CEP162: variants seen among roughly 807,000 people sequenced by gnomAD.
The protein encoded by CEP162 is centrosomal protein of 162 kDa.
CEP162 carries 141 observed loss-of-function variants against 169.2 expected under a neutral mutation model. The observed-to-expected ratio is 0.83, with a 90% CI of 0.73 to 0.96. The LOEUF (loss-of-function observed/expected upper bound fraction) is 0.96, where lower values mean the gene tolerates loss of function less well. Among genes scored for constraint, CEP162 ranks in the 40% least tolerant of loss-of-function variants. The probability of loss-of-function intolerance (pLI) is 0.00; values close to 1 mark genes in which losing one functional copy is unlikely to be tolerated. For synonymous variants in CEP162, 540 were observed against 526.4 expected (o/e 1.03, Z -0.35); for missense variants, 1,600 against 1,587.2 (o/e 1.01, Z -0.14).
intron 9 of CEP162, among the ~76,000 whole-genome samples, chr6:84,197,723 A>T (rs1268482047): frequency 6.6e-6 from 1 of 151,904 alleles, no homozygotes; most frequent in Non-Finnish European, 1.5e-5. Flanking sequence ...AGGCTGAGAC[A>T]GGAGAATCAC....
intron 18 of CEP162, among the ~76,000 whole-genome samples, chr6:84,168,250 G>A (rs1210514926): frequency 6.6e-6 from 1 of 151,934 alleles, no homozygotes; most frequent in Non-Finnish European, 1.5e-5. Flanking sequence ...TATTTTTGAG[G>A]CCCACTGAAA....
intron 11 of CEP162, among the ~76,000 whole-genome samples, chr6:84,186,885 A>G (rs899799997): frequency 6.6e-6 from 1 of 152,176 alleles, no homozygotes; most frequent in Non-Finnish European, 1.5e-5. Context: ...TATTTTAGAG[A>G]AAGACCAAAC....
intron 9 of CEP162, among the ~76,000 whole-genome samples, chr6:84,198,177 C>T (rs887757409): frequency 6.6e-6 from 1 of 152,138 alleles, no homozygotes. Flanking sequence ...CATGAAGTGG[C>T]ATGGTAAAAC....
At chr6:84,207,769 A>T (rs1369992668) in intron 6 of CEP162, among the ~76,000 whole-genome samples, 3 of 152,096 alleles carry the variant, frequency 2.0e-5, no homozygotes, top group Admixed American at 2.0e-4. Flanking sequence ...AATTTATAAG[A>T]CTATCTTTGG....
chr6:84,169,093 C>A (rs2099528952), intron 18 of CEP162, among the ~76,000 whole-genome samples: 1 of 152,022 alleles, frequency 6.6e-6, no homozygotes, highest in Admixed American at 6.6e-5. Flanking sequence ...TGATGAGAGG[C>A]TGAATCATAA....
At chr6:84,223,108 A>G (rs2099554357) in intron 2 of CEP162, among the ~76,000 whole-genome samples, 1 of 152,224 alleles carries the variant, frequency 6.6e-6, no homozygotes, top group Admixed American at 6.5e-5. Flanking sequence ...AGAAATGAAG[A>G]CTTCTAATAC....
chr6:84,142,640 G>T (rs575932266), intron 25 of CEP162, among the ~76,000 whole-genome samples: 1 of 152,194 alleles, frequency 6.6e-6, no homozygotes, highest in African/African-American at 2.4e-5. Context: ...ATAAAAATAG[G>T]CATGACTTCA....
intron 26 of CEP162, among the ~76,000 whole-genome samples, chr6:84,125,520 T>C (rs112234356): frequency 1.1e-4 from 17 of 152,072 alleles, no homozygotes; most frequent in African/African-American, 3.6e-4. Flanking sequence ...TGTGACTGTA[T>C]GTGGAGTAAG....
In CEP162 at chr6:84,167,285, T is replaced by A. The variant is rs544103381; in HGVS notation, c.2385+2043A>T. 7.2e-5 allele frequency among the ~76,000 whole-genome samples: 11 copies of A among 152,336 alleles called. No homozygotes were observed. In the South Asian group the frequency reaches 1.0e-3, roughly 14 times the overall value. On this transcript the variant is annotated intron_variant, in intron 18 of 26. Transcript: ENST00000403245. ...CTTTCAGTTTAATGCTTTCCTTAGT[T>A]GTTTATGATCATCTACTTAATTCTA...
At chr6:84,164,924 C>T (rs2099527233) in intron 18 of CEP162, among the ~76,000 whole-genome samples, 1 of 152,066 alleles carries the variant, frequency 6.6e-6, no homozygotes, top group African/African-American at 2.4e-5. Flanking sequence ...AGGGTTAACC[C>T]AAAGTCCTTA....
chr6:84,132,033 C>A (rs773792143), intron 25 of CEP162, among the ~76,000 whole-genome samples: 7 of 152,160 alleles, frequency 4.6e-5, no homozygotes, highest in Admixed American at 1.3e-4. Flanking sequence ...GTAAGGCATG[C>A]CTGGTGGTGA....
intron 6 of CEP162, among the ~76,000 whole-genome samples, chr6:84,212,203 T>G (rs1036371848): frequency 6.6e-6 from 1 of 151,402 alleles, no homozygotes; most frequent in Non-Finnish European, 1.5e-5. Flanking sequence ...GAAAAATAAT[T>G]TGAGATAAAT....
At chr6:84,189,426 C>G (rs1429928440) in intron 11 of CEP162, among the ~76,000 whole-genome samples, 1 of 152,210 alleles carries the variant, frequency 6.6e-6, no homozygotes, top group Non-Finnish European at 1.5e-5. Flanking sequence ...AGCTGGAGTT[C>G]CGGGTGGGCA....
At position 84,221,245 on chromosome 6, in the gene CEP162, G is replaced by A; in HGVS notation, c.58-74C>T. 4.1e-6 allele frequency: 3 copies of A among 727,114 alleles called. No individual in the cohort carries two copies. The South Asian group carries it at 4.9e-5, about 12-fold the overall frequency. The allele number at this position is 727,114 out of a possible 1,614,324, so 45.0% of individuals were successfully genotyped here. A position where few individuals can be genotyped will look rare whatever the true frequency, so the allele number is the denominator to read the frequency against. ...GAATCTCAGATTCATCATTAAGCAT[G>A]TTTCTATTAGTTCGCTCACAGTTCA... On this transcript the variant is annotated intron_variant, in intron 2 of 26. Coordinates refer to ENST00000403245, the MANE Select transcript of CEP162 (RefSeq NM_014895.4).
intron 23 of CEP162, 79 bp from the exon 24 acceptor site, chr6:84,149,782 A>G (rs1562014226): frequency 1.6e-6 from 2 of 1,253,352 alleles, no homozygotes; most frequent in Non-Finnish European, 2.1e-6. Flanking sequence ...AAAACAGTAG[A>G]AGAAACCTGG....
intron 4 of CEP162, 106 bp from the exon 5 acceptor site, chr6:84,215,571 A>G: frequency 8.5e-7 from 1 of 1,174,358 alleles, no homozygotes; most frequent in South Asian, 1.9e-5. Context: ...AAAATTTTAC[A>G]AATATTTACT....
intron 13 of CEP162, among the ~76,000 whole-genome samples, chr6:84,184,089 T>C (rs117495214): frequency 2.0e-5 from 3 of 152,140 alleles, no homozygotes; most frequent in Non-Finnish European, 4.4e-5. Flanking sequence ...ATGCAGGAAC[T>C]AGCCATGTTA....
chr6:84,210,139 C>T (rs987594586), intron 6 of CEP162, among the ~76,000 whole-genome samples: 25 of 152,146 alleles, frequency 1.6e-4, no homozygotes, highest in Admixed American at 1.6e-3. Flanking sequence ...TGACCTTTTT[C>T]GCAGGTAGAT....
chr6:84,204,252 C>T (rs2099545839), intron 6 of CEP162, among the ~76,000 whole-genome samples, 156 bp from the exon 7 acceptor site: 1 of 152,116 alleles, frequency 6.6e-6, no homozygotes. Context: ...CAGAACTCTC[C>T]AGCCCAAATC....
Sources: allele counts gnomAD v4.1 joint callset (sites outside exome capture counted in the v4.1 genomes callset), GRCh38; gene constraint gnomAD v4.1.1; transcripts MANE v1.5; gene names NCBI Gene and HGNC (gene_info 2026-07-23, HGNC 2026-07-21).